The following NCOA2 variants were observed in gnomAD, a reference collection of about 807,000 sequenced individuals.
NCOA2 encodes the protein nuclear receptor coactivator 2, also known as class E basic helix-loop-helix protein 75.
A neutral mutation model predicts 145.1 loss-of-function variants in NCOA2; 21 were observed. The ratio of observed to expected loss-of-function variants is 0.14; its 90% CI spans 0.10 to 0.21. The LOEUF is 0.21. NCOA2 is among the 10% of genes least tolerant of loss of function. The pLI, the probability that NCOA2 is intolerant of heterozygous loss-of-function variation, is 1.00. For missense variants in NCOA2, 1,472 were observed against 1,837.6 expected (o/e 0.80, Z 3.64); for synonymous variants, 619 against 637.5 (o/e 0.97, Z 0.44).
At chr8:70,326,473 G>GCA (rs771384690) in intron 1 of NCOA2, among the ~76,000 whole-genome samples, 35 of 143,456 alleles carry the variant, frequency 2.4e-4, no homozygotes, top group East Asian at 1.1e-3. Context: ...ACACACACAT[G>GCA]CACACACACA....
At position 70,179,334 on chromosome 8, in the gene NCOA2, A is replaced by C. The variant is rs934180439; in HGVS notation, c.260-4475T>G. Among the ~76,000 whole-genome samples, 3 of 152,326 alleles carry C rather than the reference A, an allele frequency of 2.0e-5. No homozygotes were observed. The East Asian group carries it at 5.8e-4, about 29-fold the overall frequency. On this transcript the variant is annotated intron_variant, in intron 4 of 22. Transcript: ENST00000452400. ...TCGGAATCTAAATTAAAGTGGCCCT[A>C]AATTTATGTTATTTGGGTACTTTTC...
chr8:70,112,323 C>T lies in NCOA2; in HGVS notation c.*1309G>A, dbSNP rs1806615592. On this transcript the variant is annotated 3_prime_UTR_variant, in exon 23 of 23. Coordinates refer to ENST00000452400, the MANE Select transcript of NCOA2 (RefSeq NM_006540.4). Reference sequence around the variant, plus strand: ...GTACCTCATTTTTGAGTCAATTCCACAATATGTATACCTCACAAAAATTAT... The same window carrying T: ...GTACCTCATTTTTGAGTCAATTCCATAATATGTATACCTCACAAAAATTAT... The T allele has an allele frequency of 5.1e-6, 1 of 194,598 alleles. No homozygotes were observed. 12.1% of individuals were successfully genotyped at this position (194,598 alleles called of 1,614,324 possible).
At chr8:70,310,894 C>A (rs1029370561) in intron 1 of NCOA2, among the ~76,000 whole-genome samples, 1 of 152,162 alleles carries the variant, frequency 6.6e-6, no homozygotes, top group Non-Finnish European at 1.5e-5. Context: ...AAATTTCATA[C>A]AATGCCAAAA....
chr8:70,180,982 T>A (rs1168877944), intron 4 of NCOA2, among the ~76,000 whole-genome samples: 1 of 152,270 alleles, frequency 6.6e-6, no homozygotes, highest in African/African-American at 2.4e-5. Flanking sequence ...CATTTTTAAA[T>A]TATCAAGTGA....
chr8:70,308,734 G>A (rs1174606866), intron 1 of NCOA2, among the ~76,000 whole-genome samples: 1 of 152,180 alleles, frequency 6.6e-6, no homozygotes, highest in African/African-American at 2.4e-5. Flanking sequence ...GGAGAGAAAA[G>A]AGGAGCTATT....
the NCOA2 span, among the ~76,000 whole-genome samples, chr8:70,447,069 C>T: frequency 6.6e-6 from 1 of 152,034 alleles, no homozygotes; most frequent in Non-Finnish European, 1.5e-5. Context: ...ACAGAATCCA[C>T]GAGAAAATGA....
chr8:70,216,056 T>C (rs939493730), intron 3 of NCOA2, among the ~76,000 whole-genome samples: 2 of 152,226 alleles, frequency 1.3e-5, no homozygotes, highest in African/African-American at 4.8e-5. Context: ...TAACCTCATA[T>C]ACACGTCATT....
intron 2 of NCOA2, among the ~76,000 whole-genome samples, chr8:70,260,403 G>T (rs1040265997): frequency 1.1e-4 from 16 of 152,102 alleles, no homozygotes; most frequent in African/African-American, 3.9e-4. Flanking sequence ...AAAGTGCTGG[G>T]AGGCACCATG....
chr8:70,360,306 A>G (rs1181164860), intron 1 of NCOA2, among the ~76,000 whole-genome samples: 2 of 152,212 alleles, frequency 1.3e-5, no homozygotes, highest in Admixed American at 1.3e-4. Context: ...AATTTAGCAC[A>G]TATTTTTCTG....
At chr8:70,345,353 A>G (rs1465890062) in intron 1 of NCOA2, among the ~76,000 whole-genome samples, 2 of 152,200 alleles carry the variant, frequency 1.3e-5, no homozygotes, top group Admixed American at 6.5e-5. Context: ...ATTTTCAGAG[A>G]CATGTAATTT....
chr8:70,141,256 C>T lies in NCOA2; in HGVS notation c.2956G>A (p.Ala986Thr). The T allele has an allele frequency of 6.2e-7, 1 of 1,613,908 alleles. No homozygotes were observed. Among genetic ancestry groups the T allele is most frequent in the Non-Finnish European group, 8.5e-7 (1 of 1,179,876 alleles). ...CTGCTGGGCCTCATGGGGATGCTGGCTGCTGGGTTCCGAATCATACCTCCT... is the reference window on the plus strand; with the variant it reads ...CTGCTGGGCCTCATGGGGATGCTGGTTGCTGGGTTCCGAATCATACCTCCT... ...VQGGMIRNPA[A>T]SIPMRPSSQP... The change falls in exon 14 of 23, where the codon GCC becomes ACC. Residue 986 changes from alanine to threonine, a missense_variant. Physicochemically the swap from Ala to Thr is moderately conservative, Grantham distance 58. Transcript: ENST00000452400.
At chr8:70,420,293 G>A in the NCOA2 span, among the ~76,000 whole-genome samples, 4 of 152,154 alleles carry the variant, frequency 2.6e-5, no homozygotes, top group Non-Finnish European at 4.4e-5. Flanking sequence ...CAAAAATACC[G>A]TTAGAAAAAC....
chr8:70,316,729 C>T (rs1805611542), intron 1 of NCOA2, among the ~76,000 whole-genome samples: 1 of 152,198 alleles, frequency 6.6e-6, no homozygotes, highest in Non-Finnish European at 1.5e-5. Context: ...AGGAAGTCCC[C>T]TGTGCTTTAA....
chr8:70,305,629 A>G lies in NCOA2; in HGVS notation c.-76-8829T>C, dbSNP rs112575456. Reference sequence around the variant, plus strand: ...GCACCGACCCACCAAAACAAAGGATAGCAAGCACCAAATGAACAGTATTTT... The same window carrying G: ...GCACCGACCCACCAAAACAAAGGATGGCAAGCACCAAATGAACAGTATTTT... On this transcript the variant is annotated intron_variant, in intron 1 of 22. Transcript: ENST00000452400. 3.0e-3 allele frequency among the ~76,000 whole-genome samples: 459 copies of G among 152,324 alleles called. 5 individuals carry two copies. Among genetic ancestry groups the G allele is most frequent in the African/African-American group, 0.011 (445 of 41,570 alleles).
chr8:70,370,316 C>G (rs955626187), intron 1 of NCOA2, among the ~76,000 whole-genome samples: 9 of 152,158 alleles, frequency 5.9e-5, no homozygotes, highest in African/African-American at 2.2e-4. Flanking sequence ...TATTTCCCAC[C>G]TATATGAGAA....
chr8:70,164,386 T>C (rs1813386184), intron 7 of NCOA2, among the ~76,000 whole-genome samples: 1 of 152,196 alleles, frequency 6.6e-6, no homozygotes, highest in African/African-American at 2.4e-5. Context: ...AGTAATCCCT[T>C]CATGTCTTCT....
intron 2 of NCOA2, among the ~76,000 whole-genome samples, chr8:70,222,693 T>G (rs1193635281): frequency 6.6e-6 from 1 of 152,228 alleles, no homozygotes; most frequent in South Asian, 2.1e-4. Flanking sequence ...TAACACATGC[T>G]GCAATAATCA....
At chr8:70,304,417 T>C (rs1054926497) in intron 1 of NCOA2, among the ~76,000 whole-genome samples, 8 of 152,090 alleles carry the variant, frequency 5.3e-5, no homozygotes, top group Admixed American at 6.6e-5. Context: ...AGTACACTCT[T>C]GCCTAATGAG....
chr8:70,158,045 CA>C (rs1429886049), intron 10 of NCOA2, among the ~76,000 whole-genome samples: 1 of 152,214 alleles, frequency 6.6e-6, no homozygotes, highest in African/African-American at 2.4e-5. Flanking sequence ...TTTGAGTTAC[CA>C]AATGTGTTCA....
Sources: allele counts gnomAD v4.1 joint callset (sites outside exome capture counted in the v4.1 genomes callset), GRCh38; gene constraint gnomAD v4.1.1; transcripts MANE v1.5; gene names NCBI Gene and HGNC (gene_info 2026-07-23, HGNC 2026-07-21).